The following PRORP variants were observed in gnomAD, a reference collection of about 807,000 sequenced individuals.
PRORP encodes the protein mitochondrial ribonuclease P catalytic subunit.
A neutral mutation model predicts 59.4 loss-of-function variants in PRORP; 51 were observed. That is an observed-to-expected ratio of 0.86 (90% confidence interval 0.69 to 1.08). The LOEUF is 1.08. PRORP is among the 50% of genes least tolerant of loss of function. The pLI, the probability that PRORP is intolerant of heterozygous loss-of-function variation, is 0.00. For missense variants in PRORP, 646 were observed against 690.3 expected, an observed-to-expected ratio of 0.94 and a Z score of 0.72; for synonymous variants, 231 against 245.6, an observed-to-expected ratio of 0.94 and a Z score of 0.55.
At chr14:35,229,190 A>G (rs1053262235) in intron 5 of PRORP, among the ~76,000 whole-genome samples, 2 of 152,084 alleles carry the variant, frequency 1.3e-5, no homozygotes, top group Admixed American at 6.5e-5. Flanking sequence ...ATTCCTGGAT[A>G]TTAGATTTTT....
At chr14:35,267,850 C>T (rs1415832720) in intron 6 of PRORP, among the ~76,000 whole-genome samples, 1 of 151,978 alleles carries the variant, frequency 6.6e-6, no homozygotes, top group African/African-American at 2.4e-5. Flanking sequence ...GAAAGCAACA[C>T]GGCCAGTTGG....
At chr14:35,124,373 TC>T (rs2047039446) in intron 2 of PRORP, 142 bp downstream of exon 2, 1 of 474,772 alleles carries the variant, frequency 2.1e-6, no homozygotes, top group African/African-American at 2.0e-5. Flanking sequence ...CCTCAAGTGA[TC>T]CTCTCGCTTC....
At chr14:35,263,130 G>A in intron 5 of PRORP, 3 of 859,898 alleles carry the variant, frequency 3.5e-6, no homozygotes, top group Non-Finnish European at 3.6e-6. Flanking sequence ...CTATTGATTT[G>A]GAAAGAAAAA....
intron 4 of PRORP, among the ~76,000 whole-genome samples, chr14:35,136,318 A>G (rs552985655): frequency 1.1e-3 from 165 of 152,192 alleles, no homozygotes; most frequent in Non-Finnish European, 1.8e-3. Context: ...GATGCCATCT[A>G]CCAAGAACAG....
At chr14:35,140,372 C>A (rs1247689229) in intron 4 of PRORP, among the ~76,000 whole-genome samples, 1 of 145,190 alleles carries the variant, frequency 6.9e-6, no homozygotes, top group African/African-American at 2.4e-5. Context: ...TAAGGTTAGT[C>A]TCTTTACTGT....
intron 4 of PRORP, among the ~76,000 whole-genome samples, chr14:35,151,771 C>G (rs929787460): frequency 6.6e-6 from 1 of 152,024 alleles, no homozygotes; most frequent in African/African-American, 2.4e-5. Flanking sequence ...GTTGTATCCT[C>G]ATAACTCAGA....
intron 5 of PRORP, among the ~76,000 whole-genome samples, chr14:35,258,525 A>G (rs1041394500): frequency 9.9e-5 from 15 of 152,128 alleles, no homozygotes; most frequent in African/African-American, 3.6e-4. Flanking sequence ...GAATTCTAAG[A>G]TGATAAGTCT....
chr14:35,270,668 G>A, intron 7 of PRORP, 72 bp downstream of exon 7: 1 of 1,347,820 alleles, frequency 7.4e-7, no homozygotes, highest in Non-Finnish European at 1.0e-6. Context: ...TAGAAAAAGA[G>A]TGTCACAACT....
At chr14:35,174,166 C>A (rs1271772159) in intron 4 of PRORP, among the ~76,000 whole-genome samples, 1 of 151,946 alleles carries the variant, frequency 6.6e-6, no homozygotes, top group Non-Finnish European at 1.5e-5. Context: ...TAGACATCAC[C>A]TTTTGAGAGG....
rs1250567368 is a variant in PRORP, at chr14:35,275,382, A to G, written c.*1816A>G. The G allele has an allele frequency of 6.6e-6, 1 of 152,184 alleles. No individual in the cohort carries two copies. The highest frequency in any genetic ancestry group is 2.4e-5 in the African/African-American group (1 of 41,462). The allele number at this position is 152,184 out of a possible 1,614,324, so 9.4% of individuals were successfully genotyped here. A position where few individuals can be genotyped will look rare whatever the true frequency, so the allele number is the denominator to read the frequency against. On this transcript the variant is annotated 3_prime_UTR_variant, in exon 8 of 8. Transcript: ENST00000534898. The stretch of plus-strand genomic sequence containing the variant: ...GAGGGGACGTTTTATCTTCTTACCT[A>G]TTTACTGAATGCAACATTACTGCAC...
intron 5 of PRORP, among the ~76,000 whole-genome samples, chr14:35,206,058 G>C (rs1386551715): frequency 6.6e-6 from 1 of 152,162 alleles, no homozygotes; most frequent in East Asian, 1.9e-4. Context: ...ATGGTGTTTG[G>C]CATGTCATAG....
chr14:35,247,294 G>C (rs1309726150), intron 5 of PRORP, among the ~76,000 whole-genome samples: 1 of 152,060 alleles, frequency 6.6e-6, no homozygotes, highest in Admixed American at 6.6e-5. Flanking sequence ...TGTCTAAGGT[G>C]TCTCTCCCTC....
chr14:35,135,682 G>A (rs1045928503), intron 4 of PRORP, among the ~76,000 whole-genome samples: 17 of 152,108 alleles, frequency 1.1e-4, no homozygotes, highest in African/African-American at 3.4e-4. Context: ...TAAGCAGGCC[G>A]GGCATAGTGG....
At chr14:35,239,403 G>A (rs2050303960) in intron 5 of PRORP, among the ~76,000 whole-genome samples, 1 of 150,730 alleles carries the variant, frequency 6.6e-6, no homozygotes, top group South Asian at 2.1e-4. Context: ...GCTTTCTCCA[G>A]AGATGTCTGC....
At position 35,164,494 on chromosome 14, in the gene PRORP, A is replaced by C. The variant is rs192625632; in HGVS notation, c.1168-16176A>C. On this transcript the variant is annotated intron_variant, in intron 4 of 7. Coordinates refer to ENST00000534898, the MANE Select transcript of PRORP (RefSeq NM_014672.4). ...AGTCATGTCCTTCACAGCAACATGG[A>C]TGGAGCCGGACGCCATAATCCTAAG... 1.1e-3 allele frequency among the ~76,000 whole-genome samples: 166 copies of C among 152,354 alleles called. 1 individual carries two copies. Among genetic ancestry groups the C allele is most frequent in the African/African-American group, 3.8e-3 (159 of 41,582 alleles).
chr14:35,262,567 G>T (rs1049171916), intron 5 of PRORP: 7 of 698,920 alleles, frequency 1.0e-5, no homozygotes, highest in African/African-American at 3.5e-5. Flanking sequence ...CCTGCAGAGG[G>T]ATTTCAATCA....
At chr14:35,183,406 T>C (rs925436036) in intron 5 of PRORP, among the ~76,000 whole-genome samples, 1 of 152,142 alleles carries the variant, frequency 6.6e-6, no homozygotes, top group African/African-American at 2.4e-5. Flanking sequence ...AGGAAAAAAG[T>C]TAAAAAGCAT....
chr14:35,180,827 A>G (rs761804328), intron 5 of PRORP, 50 bp downstream of exon 5: 1 of 1,217,710 alleles, frequency 8.2e-7, no homozygotes, highest in Non-Finnish European at 1.2e-6. Flanking sequence ...AATATTTATT[A>G]TACCCATTTA....
At chr14:35,128,909 A>G (rs2047163309) in intron 4 of PRORP, among the ~76,000 whole-genome samples, 1 of 151,884 alleles carries the variant, frequency 6.6e-6, no homozygotes, top group Admixed American at 6.6e-5. Context: ...TTTAAGACGC[A>G]TATTTGGCCG....
Sources: gnomAD v4.1 joint callset for allele counts (sites outside exome capture counted in the v4.1 genomes callset) on GRCh38, gnomAD v4.1.1 for gene constraint, MANE v1.5 for transcripts, NCBI Gene and HGNC (gene_info 2026-07-23, HGNC 2026-07-21) for gene names.